Variants in PRKG1 observed in about 807,000 individuals in gnomAD.
PRKG1 encodes protein kinase cGMP-dependent 1, also known as cGMP-dependent protein kinase 1.
A neutral mutation model predicts 88.1 loss-of-function variants in PRKG1; 35 were observed. The observed-to-expected ratio is 0.40, with a 90% CI of 0.30 to 0.53. The LOEUF (loss-of-function observed/expected upper bound fraction) is 0.53. PRKG1 is among the 20% of genes least tolerant of loss of function. The pLI is 0.59. For missense variants in PRKG1, 540 were observed against 839.8 expected (o/e 0.64, Z 4.41); for synonymous variants, 303 against 292.5 (o/e 1.04, Z -0.37).
intron 1 of PRKG1, among the ~76,000 whole-genome samples, chr10:51,036,884 C>T (rs1273279588): frequency 6.6e-6 from 1 of 152,150 alleles, no homozygotes; most frequent in African/African-American, 2.4e-5. Context: ...AGTTGCAATT[C>T]AACTATGGAC....
intron 2 of PRKG1, among the ~76,000 whole-genome samples, chr10:51,461,607 A>G (rs1477019485): frequency 3.9e-5 from 6 of 152,210 alleles, no homozygotes; most frequent in African/African-American, 1.2e-4. Flanking sequence ...GCAAGAGTTC[A>G]GATCCAGAGA....
intron 1 of PRKG1, among the ~76,000 whole-genome samples, chr10:51,080,497 G>A (rs565167329): frequency 1.1e-4 from 16 of 151,872 alleles, no homozygotes; most frequent in Admixed American, 3.9e-4. Context: ...AACCATATTC[G>A]AACACCAGGC....
intron 3 of PRKG1, among the ~76,000 whole-genome samples, chr10:51,504,539 T>G (rs1841137166): frequency 6.6e-6 from 1 of 152,206 alleles, no homozygotes; most frequent in Non-Finnish European, 1.5e-5. Context: ...GGGATGGCAT[T>G]GAATCTATAA....
At chr10:51,267,861 A>T (rs1262476696) in intron 2 of PRKG1, among the ~76,000 whole-genome samples, 1 of 152,214 alleles carries the variant, frequency 6.6e-6, no homozygotes, top group Non-Finnish European at 1.5e-5. Flanking sequence ...CAACACACAG[A>T]GTGGGAGAAA....
chr10:51,573,939 A>G (rs1837820487), intron 3 of PRKG1, among the ~76,000 whole-genome samples: 1 of 151,912 alleles, frequency 6.6e-6, no homozygotes, highest in Non-Finnish European at 1.5e-5. Flanking sequence ...CTTTCTCTTG[A>G]ATAGAAATAG....
chr10:52,111,902 A>T lies in PRKG1; in HGVS notation c.936-21938A>T, dbSNP rs115280909. ...TTCTTCTCGCATACTACTTAACATTAGCAGAGGGGTCTTCTTAAAGCTTAT... is the reference window on the plus strand; with the variant it reads ...TTCTTCTCGCATACTACTTAACATTTGCAGAGGGGTCTTCTTAAAGCTTAT... On this transcript the variant is annotated intron_variant, in intron 7 of 17. Coordinates refer to ENST00000373980, the MANE Select transcript of PRKG1 (RefSeq NM_006258.4). Among the ~76,000 whole-genome samples the T allele has an allele frequency of 8.5e-3, 1,289 of 152,326 alleles. 19 individuals carry two copies. Among genetic ancestry groups the T allele is most frequent in the African/African-American group, 0.029 (1,205 of 41,560 alleles).
At chr10:51,798,894 T>C (rs2132599464) in intron 3 of PRKG1, among the ~76,000 whole-genome samples, 1 of 152,190 alleles carries the variant, frequency 6.6e-6, no homozygotes, top group South Asian at 2.1e-4. Context: ...GAATGCAGCA[T>C]TCATTATTCC....
intron 3 of PRKG1, among the ~76,000 whole-genome samples, chr10:51,580,555 T>C (rs573477564): frequency 3.3e-5 from 5 of 152,256 alleles, no homozygotes; most frequent in African/African-American, 1.2e-4. Context: ...CCACTCCTCT[T>C]TCTTGAAAAT....
chr10:51,077,612 A>G (rs923580277), intron 1 of PRKG1, among the ~76,000 whole-genome samples: 4 of 152,160 alleles, frequency 2.6e-5, no homozygotes, highest in Non-Finnish European at 5.9e-5. Context: ...TCATTTTAAC[A>G]TTTTTGGCTT....
At chr10:52,164,986 CCCAAATGAAT>C (rs1439757690) in intron 9 of PRKG1, among the ~76,000 whole-genome samples, 3 of 152,076 alleles carry the variant, frequency 2.0e-5, no homozygotes, top group African/African-American at 4.8e-5. Flanking sequence ...TCACACTAAA[CCCAAATGAAT>C]GTATAGTCCA....
At chr10:51,471,865 A>G (rs1464925114) in intron 3 of PRKG1, among the ~76,000 whole-genome samples, 3 of 151,902 alleles carry the variant, frequency 2.0e-5, no homozygotes, top group Admixed American at 6.6e-5. Flanking sequence ...TATAATCACC[A>G]CAGAAAGTTA....
intron 2 of PRKG1, among the ~76,000 whole-genome samples, chr10:51,382,548 T>C (rs753410962): frequency 3.9e-5 from 6 of 152,254 alleles, no homozygotes; most frequent in Non-Finnish European, 7.3e-5. Flanking sequence ...TATTGTAAGA[T>C]GCATACTTCT....
chr10:51,276,275 C>A (rs1010973319), intron 2 of PRKG1, among the ~76,000 whole-genome samples: 4 of 152,246 alleles, frequency 2.6e-5, no homozygotes, highest in Non-Finnish European at 5.9e-5. Context: ...TCATCCATGT[C>A]CCTACAAAGG....
rs1211626155 is a variant in PRKG1 at position 51,734,743 on chromosome 10, TCTGCAGCAG to T, written c.593-69838_593-69830del. ...CTGGCTTCTTCCAAAACAGAATAAA[TCTGCAGCAG>T]CTGTCACAGTTTTTCTACTCCACTG... On this transcript the variant is annotated intron_variant, in intron 3 of 17. Transcript: ENST00000373980. Among the ~76,000 whole-genome samples the T allele has an allele frequency of 4.6e-5, 7 of 152,290 alleles. 1 individual carries two copies. The South Asian group carries it at 1.4e-3, about 32-fold the overall frequency.
intron 6 of PRKG1, among the ~76,000 whole-genome samples, chr10:52,059,704 G>T (rs1256987788): frequency 6.6e-6 from 1 of 151,698 alleles, no homozygotes; most frequent in Non-Finnish European, 1.5e-5. Context: ...ATTGTTCTGG[G>T]AATTAGACAA....
At chr10:51,360,968 C>T (rs1175969029) in intron 2 of PRKG1, among the ~76,000 whole-genome samples, 1 of 151,776 alleles carries the variant, frequency 6.6e-6, no homozygotes, top group Non-Finnish European at 1.5e-5. Context: ...GATTATGGCT[C>T]ATTTAAAATA....
chr10:51,258,805 C>T (rs1036384141), intron 2 of PRKG1, among the ~76,000 whole-genome samples: 5 of 152,250 alleles, frequency 3.3e-5, no homozygotes, highest in Non-Finnish European at 5.9e-5. Context: ...TGGCAAATGC[C>T]AGCTATCAGT....
rs145016873 is a variant in PRKG1 at position 51,786,195 on chromosome 10, A to T, written c.593-18390A>T. 1.8e-4 allele frequency among the ~76,000 whole-genome samples: 27 copies of T among 152,264 alleles called. No individual in the cohort carries two copies. In the East Asian group the frequency reaches 2.1e-3, roughly 12 times the overall value. On this transcript the variant is annotated intron_variant, in intron 3 of 17. Transcript: ENST00000373980. ...GATAACTTATTAATTTTTGGCTAAG[A>T]TCTACTAAATTGCTGACTAGGTGAT...
At chr10:52,233,177 A>G in intron 9 of PRKG1, among the ~76,000 whole-genome samples, 1 of 70,228 alleles carries the variant, frequency 1.4e-5, no homozygotes, top group Admixed American at 2.1e-4. Flanking sequence ...GGTGAGGAAA[A>G]GGGAGCCAAA....
Sources: gnomAD v4.1 joint callset for allele counts (sites outside exome capture counted in the v4.1 genomes callset) on GRCh38, gnomAD v4.1.1 for gene constraint, MANE v1.5 for transcripts, NCBI Gene and HGNC (gene_info 2026-07-23, HGNC 2026-07-21) for gene names.